ZFR: variants seen among roughly 807,000 people sequenced by gnomAD.
ZFR encodes zinc finger RNA-binding protein.
ZFR carries 19 observed loss-of-function variants against 130.7 expected under a neutral mutation model. That is an observed-to-expected ratio of 0.15 (90% CI 0.10 to 0.21). The LOEUF (loss-of-function observed/expected upper bound fraction) is 0.21, where lower values mean the gene tolerates loss of function less well. Among genes scored for constraint, ZFR ranks in the 10% least tolerant of loss-of-function variants. The pLI is 1.00. For missense variants in ZFR, 872 were observed against 1,321.5 expected (o/e 0.66, Z 5.27); for synonymous variants, 466 against 456.9 (o/e 1.02, Z -0.25).
intron 2 of ZFR, among the ~76,000 whole-genome samples, chr5:32,442,863 T>C (rs1321956519): frequency 6.6e-6 from 1 of 152,144 alleles, no homozygotes; most frequent in Non-Finnish European, 1.5e-5. Flanking sequence ...ATTTTACAGA[T>C]GATGAACATG....
intron 17 of ZFR, among the ~76,000 whole-genome samples, chr5:32,374,879 G>A (rs189995658): frequency 1.5e-4 from 23 of 152,240 alleles, no homozygotes; most frequent in Non-Finnish European, 2.9e-4. Flanking sequence ...AAGTGATGAT[G>A]TCACATAAAT....
At chr5:32,361,636 T>G (rs1026629088) in intron 19 of ZFR, among the ~76,000 whole-genome samples, 10 of 149,614 alleles carry the variant, frequency 6.7e-5, no homozygotes, top group African/African-American at 2.5e-4. Context: ...TTTTTTTTTT[T>G]GAGATGGAGT....
intron 4 of ZFR, among the ~76,000 whole-genome samples, chr5:32,417,244 A>G (rs984468316): frequency 2.0e-5 from 3 of 152,170 alleles, no homozygotes; most frequent in African/African-American, 7.2e-5. Flanking sequence ...TGATAACAGA[A>G]CCAACTGTCA....
chr5:32,414,147 A>G (rs2111805858), intron 5 of ZFR, among the ~76,000 whole-genome samples: 1 of 152,306 alleles, frequency 6.6e-6, no homozygotes, highest in East Asian at 1.9e-4. Flanking sequence ...ATCTACTGAC[A>G]TTTACCCCAT....
At chr5:32,382,099 C>G (rs530261698) in intron 15 of ZFR, among the ~76,000 whole-genome samples, 110 of 152,114 alleles carry the variant, frequency 7.2e-4, no homozygotes, top group African/African-American at 2.6e-3. Flanking sequence ...GTAGGGAGTT[C>G]GAGACCAGCC....
chr5:32,403,025 CAG>C, intron 8 of ZFR, 79 bp downstream of exon 8: 1 of 1,426,120 alleles, frequency 7.0e-7, no homozygotes, highest in East Asian at 2.3e-5. Flanking sequence ...TCCAAGAACA[CAG>C]GGAGAAGGGT....
chr5:32,375,723 TCTCCAA>T lies in ZFR; in HGVS notation c.2835+3386_2835+3391del, dbSNP rs576726277. 1.4e-3 allele frequency among the ~76,000 whole-genome samples: 206 copies of T among 152,208 alleles called. 1 individual carries two copies. In the Middle Eastern group the frequency reaches 0.017, roughly 13 times the overall value. Reference sequence around the variant, plus strand: ...GGTTTCACCATGTTGCCCAAGCTGGTCTCCAACTCCGGGACTCAAGCGATCCTCCTG... The same window carrying T: ...GGTTTCACCATGTTGCCCAAGCTGGTCTCCGGGACTCAAGCGATCCTCCTG... On this transcript the variant is annotated intron_variant, in intron 17 of 19. Transcript: ENST00000265069.
chr5:32,404,525 T>A (rs1287024141), intron 6 of ZFR, among the ~76,000 whole-genome samples: 1 of 152,230 alleles, frequency 6.6e-6, no homozygotes, highest in Non-Finnish European at 1.5e-5. Flanking sequence ...AACAAGATTC[T>A]TTACAAACAG....
intron 2 of ZFR, among the ~76,000 whole-genome samples, chr5:32,443,643 G>C (rs546726820): frequency 3.5e-4 from 53 of 152,394 alleles, no homozygotes; most frequent in African/African-American, 1.2e-3. Context: ...TTTGTCAGCA[G>C]GACTCGCTAG....
intron 5 of ZFR, among the ~76,000 whole-genome samples, chr5:32,411,714 G>GGGGGGGA (rs138920140): frequency 0.012 from 645 of 54,590 alleles, 78 homozygotes; most frequent in African/African-American, 0.042. Context: ...AATTGAGGGG[G>GGGGGGGA]GGCGGGGAAT....
chr5:32,382,884 T>C (rs911832240), intron 15 of ZFR, among the ~76,000 whole-genome samples: 20 of 152,142 alleles, frequency 1.3e-4, no homozygotes, highest in African/African-American at 4.8e-4. Flanking sequence ...TAACCCCTTA[T>C]ATTCTGCTAA....
chr5:32,381,606 A>G (rs888561972), intron 15 of ZFR, among the ~76,000 whole-genome samples: 4 of 152,328 alleles, frequency 2.6e-5, no homozygotes, highest in South Asian at 2.1e-4. Context: ...CAAGTTACTC[A>G]TATCTCATAA....
chr5:32,365,815 G>A (rs912408158), intron 17 of ZFR, among the ~76,000 whole-genome samples: 1 of 152,108 alleles, frequency 6.6e-6, no homozygotes, highest in Non-Finnish European at 1.5e-5. Flanking sequence ...GTCCAGGCTG[G>A]TTTTGAACTC....
rs1259897588 is a variant in ZFR, at chr5:32,399,996, A to C, written c.1713+11T>G. On this transcript the variant is annotated intron_variant, in intron 9 of 19. Transcript: ENST00000265069. ...CCAATTTCACAGCAATGGTATTCTC[A>C]AATCAATTACCTCTTCCACATAATC... 7 of 1,590,132 alleles carry C rather than the reference A, an allele frequency of 4.4e-6. No homozygotes were observed. The South Asian group carries it at 8.0e-5, about 18-fold the overall frequency.
At position 32,381,107 on chromosome 5, in the gene ZFR, C is replaced by T. The variant is rs536333365; in HGVS notation, c.2642-935G>A. Among the ~76,000 whole-genome samples the T allele has an allele frequency of 7.2e-5, 11 of 152,082 alleles. No homozygotes were observed. In the East Asian group the frequency reaches 2.1e-3, roughly 29 times the overall value. On this transcript the variant is annotated intron_variant, in intron 15 of 19. Transcript: ENST00000265069. ...AGGCAAGCAGAACAGCGAATAGGAA[C>T]TAGTATGGTTAAACAGAATTAAGAG... is the stretch of plus-strand genomic sequence containing the variant.
intron 9 of ZFR, among the ~76,000 whole-genome samples, chr5:32,398,102 C>T (rs893346606): frequency 2.6e-5 from 4 of 151,770 alleles, no homozygotes; most frequent in Admixed American, 6.6e-5. Flanking sequence ...GTGATCCGCC[C>T]GCCTCGGCCT....
chr5:32,440,423 G>A (rs1052250038), intron 2 of ZFR, among the ~76,000 whole-genome samples: 6 of 152,152 alleles, frequency 3.9e-5, no homozygotes, highest in Admixed American at 1.3e-4. Flanking sequence ...TGAGGCGGGC[G>A]GAGGACCGGA....
intron 5 of ZFR, among the ~76,000 whole-genome samples, chr5:32,410,221 G>T (rs975799377): frequency 2.1e-5 from 3 of 140,890 alleles, no homozygotes; most frequent in African/African-American, 8.0e-5. Context: ...GGTGGAGGTT[G>T]CAGTGAGCTG....
At chr5:32,444,531 C>A in intron 1 of ZFR, 91 bp downstream of exon 1, 1 of 1,393,318 alleles carries the variant, frequency 7.2e-7, no homozygotes. Context: ...GCCGCCTCCT[C>A]CCCGGAGCCT....
Sources: gnomAD v4.1 joint callset for allele counts (sites outside exome capture counted in the v4.1 genomes callset) on GRCh38, gnomAD v4.1.1 for gene constraint, MANE v1.5 for transcripts, NCBI Gene and HGNC (gene_info 2026-07-23, HGNC 2026-07-21) for gene names.